The following SETX variants were observed in gnomAD, a reference collection of about 807,000 sequenced individuals.
The protein encoded by SETX is helicase senataxin.
SETX carries 90 observed loss-of-function variants against 227.2 expected under a neutral mutation model. The observed-to-expected ratio is 0.40, with a 90% CI of 0.33 to 0.47. The LOEUF (loss-of-function observed/expected upper bound fraction) is 0.47, where lower values mean the gene tolerates loss of function less well. Ranked by LOEUF, SETX falls within the 20% of genes least tolerant of loss-of-function variation. The pLI is 0.91. For missense variants in SETX, 3,052 were observed against 3,181.5 expected, an observed-to-expected ratio of 0.96 and a Z score of 0.98; for synonymous variants, 1,210 against 1,113.2, an observed-to-expected ratio of 1.09 and a Z score of -1.73.
intron 17 of SETX, 119 bp from the exon 18 acceptor site, chr9:132,286,613 C>T: frequency 2.7e-6 from 2 of 746,044 alleles, no homozygotes; most frequent in South Asian, 3.0e-5. Flanking sequence ...TGTATTTACC[C>T]AGCTTATTTC....
At chr9:132,307,884 G>A (rs1347362711) in intron 11 of SETX, among the ~76,000 whole-genome samples, 1 of 152,020 alleles carries the variant, frequency 6.6e-6, no homozygotes, top group Non-Finnish European at 1.5e-5. Flanking sequence ...TTGCCATGTT[G>A]GCCAGGCTGG....
intron 10 of SETX, among the ~76,000 whole-genome samples, chr9:132,319,556 C>T (rs145082545): frequency 5.3e-5 from 8 of 152,342 alleles, no homozygotes; most frequent in African/African-American, 1.7e-4. Flanking sequence ...TCTCTTTCTT[C>T]GTTAAGACTC....
intron 11 of SETX, among the ~76,000 whole-genome samples, chr9:132,307,237 G>C (rs1845385797): frequency 1.3e-5 from 2 of 152,028 alleles, no homozygotes; most frequent in Non-Finnish European, 2.9e-5. Flanking sequence ...CTGGGCGACA[G>C]AGCAAGACTC....
At chr9:132,292,843 T>C (rs1214199024) in intron 15 of SETX, among the ~76,000 whole-genome samples, 1 of 152,116 alleles carries the variant, frequency 6.6e-6, no homozygotes, top group Non-Finnish European at 1.5e-5. Context: ...TTCACCGTGT[T>C]AGCCAGGATG....
rs1302943281 is a variant in SETX, at chr9:132,275,328, C to G, written c.7028G>C (p.Gly2343Ala). Residue 2343 changes from glycine (G) to alanine (A), a missense_variant, in exon 23 of 26, where the codon GGC becomes GCC. Coordinates refer to ENST00000224140, the MANE Select transcript of SETX (RefSeq NM_015046.7). ...CTGGGCCTTGTAATGAGTTATTATG[C>G]CAATGTTTCGAAAACTAACATCCTT... Reference protein sequence around the residue: ...KRKDVSFRNIGIITHYKAQKT... With the variant: ...KRKDVSFRNIAIITHYKAQKT... 1 of 1,613,708 alleles carries G rather than the reference C, an allele frequency of 6.2e-7. No individual in the cohort carries two copies. Among genetic ancestry groups the G allele is most frequent in the Admixed American group, 1.7e-5 (1 of 60,002 alleles).
chr9:132,292,993 G>T (rs1007130884), intron 15 of SETX, among the ~76,000 whole-genome samples: 7 of 152,104 alleles, frequency 4.6e-5, no homozygotes, highest in Middle Eastern at 3.2e-3. Context: ...CAAATACAGT[G>T]TAACAAAAAT....
chr9:132,311,753 T>A lies in SETX; in HGVS notation c.5374+4A>T. The stretch of plus-strand genomic sequence containing the variant: ...TATTCCAAGTTGCGTAAGAAAAAAC[T>A]TACCTGCAAACTCCCAGTATTTTAT... On this transcript the variant is annotated splice_donor_region_variant and intron_variant, in intron 11 of 25. Coordinates refer to ENST00000224140, the MANE Select transcript of SETX (RefSeq NM_015046.7). The A allele has an allele frequency of 6.2e-7, 1 of 1,600,816 alleles. No individual in the cohort carries two copies. The highest frequency in any genetic ancestry group is 1.1e-5 in the South Asian group (1 of 90,720).
chr9:132,329,078 A>G lies in SETX; in HGVS notation c.2520T>C (p.Asn840=), dbSNP rs760863613. ...GVQKGDGFIH[N]LSLDPSGVLD... ...GAACACCACTAGGGTCTAAAGAAAGATTGTGTATGAAACCATCTCCTTTCT... is the reference window on the plus strand; with the variant it reads ...GAACACCACTAGGGTCTAAAGAAAGGTTGTGTATGAAACCATCTCCTTTCT... The change falls in exon 10 of 26, where the codon AAT becomes AAC. Residue 840 remains asparagine, a synonymous_variant. Transcript: ENST00000224140. 5.1e-5 allele frequency: 82 copies of G among 1,610,404 alleles called. No homozygotes were observed. Among genetic ancestry groups the G allele is most frequent in the Non-Finnish European group, 6.3e-5 (74 of 1,179,454 alleles).
chr9:132,317,869 T>C (rs1424020491), intron 10 of SETX, among the ~76,000 whole-genome samples: 1 of 152,252 alleles, frequency 6.6e-6, no homozygotes, highest in Non-Finnish European at 1.5e-5. Context: ...AAGGTCTCAA[T>C]ATAACTGCTT....
At chr9:132,322,647 T>C (rs1371251690) in intron 10 of SETX, among the ~76,000 whole-genome samples, 3 of 152,220 alleles carry the variant, frequency 2.0e-5, no homozygotes, top group Non-Finnish European at 4.4e-5. Context: ...TTTCCACTTT[T>C]TGGCTACCAT....
rs1478951117 is a variant in SETX at position 132,298,271 on chromosome 9, G to C, written c.5590C>G (p.Gln1864Glu). 1.2e-6 allele frequency: 2 copies of C among 1,614,100 alleles called. No individual in the cohort carries two copies. Among genetic ancestry groups the C allele is most frequent in the East Asian group, 4.5e-5 (2 of 44,872 alleles). The change falls in exon 13 of 26, where the codon CAA becomes GAA. Residue 1864 changes from glutamine to glutamate, a missense_variant. Transcript: ENST00000224140. Reference sequence around the variant, plus strand: ...TTTAAATTGGCCGGAAAGTTCTCTTGAGTCTGGATGGAAAGGTAACACTCA... The same window carrying C: ...TTTAAATTGGCCGGAAAGTTCTCTTCAGTCTGGATGGAAAGGTAACACTCA... ...KTECYLSIQT[Q>E]ENFPANLNEL... is the part of the protein sequence containing the mutation.
At chr9:132,311,177 G>A (rs1845631651) in intron 11 of SETX, among the ~76,000 whole-genome samples, 1 of 152,128 alleles carries the variant, frequency 6.6e-6, no homozygotes, top group Non-Finnish European at 1.5e-5. Context: ...ATGTTGGCCA[G>A]GACGGTCTCG....
chr9:132,300,627 TACTG>T lies in SETX; in HGVS notation c.5547_5548+2del, dbSNP rs1554813128. 3 of 1,613,474 alleles carry T rather than the reference TACTG, an allele frequency of 1.9e-6. No homozygotes were observed. The highest frequency in any genetic ancestry group is 2.5e-6 in the Non-Finnish European group (3 of 1,179,774). On this transcript the variant is annotated splice_donor_variant and coding_sequence_variant, in exon 12 of 26. Coordinates refer to ENST00000224140, the MANE Select transcript of SETX (RefSeq NM_015046.7). LOFTEE classifies it high-confidence loss of function. ...TCCTGTCAATGCCTCATTATTTACT[TACTG>T]ACTGACGTGCGGCGAAATTTATGAA...
rs1311651806 is a variant in SETX at position 132,276,173 on chromosome 9, C to CT, written c.6936-754dup. Among the ~76,000 whole-genome samples, 17 of 152,350 alleles carry CT rather than the reference C, an allele frequency of 1.1e-4. No homozygotes were observed. The East Asian group carries it at 3.1e-3, about 28-fold the overall frequency. On this transcript the variant is annotated intron_variant, in intron 22 of 25. Coordinates refer to ENST00000224140, the MANE Select transcript of SETX (RefSeq NM_015046.7). ...GAGCCTTAAATACCCATTCTCCTAA[C>CT]TTTGAGACTTACTAAATGGACAACC...
chr9:132,329,509 A>G lies in SETX; in HGVS notation c.2089T>C (p.Phe697Leu). 1 of 1,612,424 alleles carries G rather than the reference A, an allele frequency of 6.2e-7. No homozygotes were observed. Among genetic ancestry groups the G allele is most frequent in the Non-Finnish European group, 8.5e-7 (1 of 1,179,898 alleles). The change falls in exon 10 of 26, where the codon TTT becomes CTT. Residue 697 changes from phenylalanine to leucine, a missense_variant. By Grantham distance (22) the Phe-to-Leu change is conservative. Around this residue, in one of 10 missense-constraint regions of SETX, gnomAD observed 1,483 missense variants for 1,312.0 expected, o/e 1.13. Coordinates refer to ENST00000224140, the MANE Select transcript of SETX (RefSeq NM_015046.7). Reference sequence around the variant, plus strand: ...ATTTGATCTTCAGCTCTTTCAGTAAAAATGTTTTTACTACTCTGCTTTAAG... The same window carrying G: ...ATTTGATCTTCAGCTCTTTCAGTAAGAATGTTTTTACTACTCTGCTTTAAG... The part of the protein sequence containing the change: ...SCLKQSSKNI[F>L]TERAEDQIKI...
chr9:132,339,017 C>T (rs945867233), intron 5 of SETX, among the ~76,000 whole-genome samples: 29 of 152,204 alleles, frequency 1.9e-4, no homozygotes, highest in African/African-American at 7.0e-4. Context: ...CCAACCCTGG[C>T]TTCCCAAAGG....
At chr9:132,322,480 T>C (rs1426846841) in intron 10 of SETX, among the ~76,000 whole-genome samples, 1 of 152,244 alleles carries the variant, frequency 6.6e-6, no homozygotes, top group Non-Finnish European at 1.5e-5. Flanking sequence ...TCATATAATA[T>C]GTGACCTTCT....
chr9:132,273,221 G>A (rs1391815642), intron 23 of SETX, among the ~76,000 whole-genome samples: 1 of 152,018 alleles, frequency 6.6e-6, no homozygotes, highest in African/African-American at 2.4e-5. Flanking sequence ...GGAGTGCAAT[G>A]GAGTGATCTC....
At chr9:132,269,532 T>A in intron 25 of SETX, 83 bp downstream of exon 25, 1 of 1,608,094 alleles carries the variant, frequency 6.2e-7, no homozygotes, top group Non-Finnish European at 8.5e-7. Context: ...CAGAAATCAT[T>A]TACACTTTGA....
Sources: gnomAD v4.1 joint callset for allele counts (sites outside exome capture counted in the v4.1 genomes callset) on GRCh38, gnomAD v4.1.1 for gene constraint, gnomAD v4.1.1 regional missense constraint, MANE v1.5 for transcripts, NCBI Gene and HGNC (gene_info 2026-07-23, HGNC 2026-07-21) for gene names.